The following ENTPD5 variants were observed in gnomAD, a reference collection of about 807,000 sequenced individuals.
ENTPD5 encodes the protein ectonucleoside triphosphate diphosphohydrolase 5 (inactive).
ENTPD5 carries 49 observed loss-of-function variants against 60.2 expected under a neutral mutation model. The ratio of observed to expected loss-of-function variants is 0.81; its 90% CI spans 0.65 to 1.03. ENTPD5 has a LOEUF of 1.03. Ranked by LOEUF, ENTPD5 falls within the 50% of genes least tolerant of loss-of-function variation. The pLI is 0.00. For synonymous variants in ENTPD5, 187 were observed against 185.4 expected (o/e 1.01, Z -0.07); for missense variants, 480 against 507.6 (o/e 0.95, Z 0.52).
intron 3 of ENTPD5, among the ~76,000 whole-genome samples, chr14:74,009,797 T>G (rs1281688743): frequency 1.3e-5 from 2 of 152,006 alleles, no homozygotes; most frequent in Non-Finnish European, 2.9e-5. Context: ...TTTTCGATTT[T>G]TTTTTTTTGA....
chr14:74,007,691 C>A (rs181970368), intron 3 of ENTPD5: 8 of 152,008 alleles, frequency 5.3e-5, no homozygotes, highest in Admixed American at 1.3e-4. Context: ...CATGGTGACA[C>A]ATACCTGTAG....
chr14:73,960,709 T>C (rs997008373), downstream of ENTPD5: 99 of 584,672 alleles, frequency 1.7e-4, no homozygotes, highest in Admixed American at 3.6e-3. Flanking sequence ...CTCCGTACAG[T>C]GATAGAAGTA....
At chr14:74,015,335 AAGC>A (rs1198731637) in intron 2 of ENTPD5, among the ~76,000 whole-genome samples, 1 of 148,622 alleles carries the variant, frequency 6.7e-6, no homozygotes, top group Non-Finnish European at 1.5e-5. Flanking sequence ...TAGAAGAAAA[AAGC>A]AGAAGTACTA....
chr14:73,979,942 GA>G (rs1397565882), intron 6 of ENTPD5, among the ~76,000 whole-genome samples: 4 of 135,412 alleles, frequency 3.0e-5, no homozygotes, highest in Non-Finnish European at 6.2e-5. Context: ...TTTTTGCCAT[GA>G]TTTTTTTTTT....
At chr14:74,003,304 G>A (rs1020324650) in intron 3 of ENTPD5, 6 of 428,628 alleles carry the variant, frequency 1.4e-5, no homozygotes, top group South Asian at 4.0e-5. Context: ...ACCTAGAAGA[G>A]CGTCCAAGGT....
chr14:73,959,334 T>C (rs761630783), downstream of ENTPD5: 8 of 1,614,068 alleles, frequency 5.0e-6, no homozygotes, highest in African/African-American at 1.1e-4. Flanking sequence ...GTTTGTAAGT[T>C]CCCTTTTTGT....
intron 1 of ENTPD5, among the ~76,000 whole-genome samples, chr14:74,017,657 G>T (rs150266996): frequency 6.1e-4 from 92 of 151,338 alleles, no homozygotes; most frequent in Non-Finnish European, 7.7e-4. Flanking sequence ...AGACCAAGGC[G>T]GGTGGATCAC....
At chr14:73,983,679 A>T (rs1386612776) in intron 5 of ENTPD5, among the ~76,000 whole-genome samples, 1 of 109,278 alleles carries the variant, frequency 9.2e-6, no homozygotes, top group Non-Finnish European at 2.0e-5. Flanking sequence ...ATAAAAAATT[A>T]TTATTATTAT....
At chr14:73,976,870 C>T (rs2057466078) in intron 8 of ENTPD5, among the ~76,000 whole-genome samples, 154 bp downstream of exon 8, 2 of 152,074 alleles carry the variant, frequency 1.3e-5, no homozygotes, top group Non-Finnish European at 2.9e-5. Flanking sequence ...CCTCCCAAAG[C>T]GCTGGAATTA....
chr14:74,014,045 G>A (rs1396855036), intron 2 of ENTPD5, among the ~76,000 whole-genome samples: 5 of 152,114 alleles, frequency 3.3e-5, no homozygotes, highest in African/African-American at 1.2e-4. Context: ...ACTGTGCCCA[G>A]TCCAGGTAAG....
intron 3 of ENTPD5, among the ~76,000 whole-genome samples, chr14:73,992,282 C>T (rs958073650): frequency 5.3e-5 from 8 of 152,158 alleles, no homozygotes; most frequent in South Asian, 4.1e-4. Flanking sequence ...TAACAAAATA[C>T]TTCGTATATT....
intron 3 of ENTPD5, among the ~76,000 whole-genome samples, chr14:73,995,743 T>C (rs1300854495): frequency 6.6e-6 from 1 of 152,102 alleles, no homozygotes; most frequent in Non-Finnish European, 1.5e-5. Context: ...AAGTTTTATA[T>C]GCTACTCAAA....
intron 5 of ENTPD5, among the ~76,000 whole-genome samples, chr14:73,985,844 TG>T (rs911552480): frequency 4.6e-5 from 7 of 151,928 alleles, no homozygotes; most frequent in African/African-American, 1.5e-4. Context: ...GAGGCTGACA[TG>T]GGCGGATCAC....
At chr14:74,010,304 C>T (rs1004919123) in intron 3 of ENTPD5, among the ~76,000 whole-genome samples, 13 of 152,148 alleles carry the variant, frequency 8.5e-5, no homozygotes, top group African/African-American at 3.1e-4. Flanking sequence ...CCTGTAATCC[C>T]AGCACTTTGG....
intron 3 of ENTPD5, chr14:73,996,053 C>T (rs2058331927): frequency 4.1e-6 from 3 of 740,522 alleles, no homozygotes; most frequent in Non-Finnish European, 4.9e-6. Flanking sequence ...TCCATGTCCC[C>T]GGAAGCCTGA....
At chr14:73,970,727 A>G (rs952231822) in intron 14 of ENTPD5, among the ~76,000 whole-genome samples, 31 of 152,166 alleles carry the variant, frequency 2.0e-4, no homozygotes, top group African/African-American at 7.2e-4. Context: ...ATCTATTATT[A>G]ATGGTGAGGC....
chr14:73,959,434 C>T, downstream of ENTPD5: 1 of 1,614,168 alleles, frequency 6.2e-7, no homozygotes, highest in Non-Finnish European at 8.5e-7. Context: ...ACCTTGAGTT[C>T]CTTGGTTTGG....
chr14:73,989,382 T>C (rs1029734182), intron 3 of ENTPD5, among the ~76,000 whole-genome samples: 1 of 148,216 alleles, frequency 6.7e-6, no homozygotes, highest in African/African-American at 2.4e-5. Flanking sequence ...GCCAACATGG[T>C]GAAACCCTGT....
chr14:73,969,285 T>C (rs1022226713), intron 15 of ENTPD5, among the ~76,000 whole-genome samples: 5 of 152,188 alleles, frequency 3.3e-5, no homozygotes, highest in African/African-American at 1.2e-4. Context: ...CTAGGACAAA[T>C]GGAACCCAAG....
Sources: gnomAD v4.1 joint callset for allele counts (sites outside exome capture counted in the v4.1 genomes callset) on GRCh38, gnomAD v4.1.1 for gene constraint, MANE v1.5 for transcripts, NCBI Gene and HGNC (gene_info 2026-07-23, HGNC 2026-07-21) for gene names.